The following TDP1 variants were observed in gnomAD, a reference collection of about 807,000 sequenced individuals.
TDP1 encodes the protein tyr-DNA phosphodiesterase 1.
A neutral mutation model predicts 81.5 loss-of-function variants in TDP1; 64 were observed. That is an observed-to-expected ratio of 0.79 (90% CI 0.64 to 0.97). The LOEUF (loss-of-function observed/expected upper bound fraction) is 0.97. Among genes scored for constraint, TDP1 ranks in the 50% least tolerant of loss-of-function variants. The pLI, the probability that TDP1 is intolerant of heterozygous loss-of-function variation, is 0.00. For missense variants in TDP1, 723 were observed against 743.8 expected, an observed-to-expected ratio of 0.97 and a Z score of 0.33; for synonymous variants, 256 against 264.3, an observed-to-expected ratio of 0.97 and a Z score of 0.30.
chr14:89,971,398 C>A, intron 6 of TDP1, 127 bp downstream of exon 6: 1 of 736,100 alleles, frequency 1.4e-6, no homozygotes, highest in Non-Finnish European at 2.4e-6. Context: ...AGATATTTGT[C>A]TAGCCTCAGC....
intron 6 of TDP1, among the ~76,000 whole-genome samples, chr14:89,974,845 T>C (rs538945413): frequency 6.6e-6 from 1 of 152,356 alleles, no homozygotes; most frequent in South Asian, 2.1e-4. Context: ...ATTTAAACTC[T>C]TTCATAATCT....
At chr14:90,038,109 T>C (rs1888002499) in intron 16 of TDP1, among the ~76,000 whole-genome samples, 1 of 152,226 alleles carries the variant, frequency 6.6e-6, no homozygotes, top group Non-Finnish European at 1.5e-5. Context: ...TGATTACTGA[T>C]GATGTTAACT....
chr14:89,976,787 T>C (rs1894393119), intron 7 of TDP1, among the ~76,000 whole-genome samples: 1 of 149,696 alleles, frequency 6.7e-6, no homozygotes, highest in Non-Finnish European at 1.5e-5. Flanking sequence ...TCCACCCTCC[T>C]CTGCCTCCCC....
intron 7 of TDP1, among the ~76,000 whole-genome samples, chr14:89,977,693 G>A (rs1894517483): frequency 6.6e-6 from 1 of 152,212 alleles, no homozygotes; most frequent in Non-Finnish European, 1.5e-5. Context: ...TTTCTTTGGT[G>A]AGAGAAGCAA....
intron 9 of TDP1, chr14:89,984,898 T>C: frequency 3.2e-5 from 32 of 985,404 alleles, no homozygotes; most frequent in Non-Finnish European, 3.7e-5. Context: ...TACCTTAGCC[T>C]CCCACTGGGT....
chr14:90,026,047 G>A (rs1202450808), intron 15 of TDP1, among the ~76,000 whole-genome samples: 1 of 152,222 alleles, frequency 6.6e-6, no homozygotes, highest in Admixed American at 6.5e-5. Flanking sequence ...CTGAGCCCCA[G>A]GGTCACTTGG....
At chr14:89,977,205 A>G (rs930495639) in intron 7 of TDP1, among the ~76,000 whole-genome samples, 1 of 152,210 alleles carries the variant, frequency 6.6e-6, no homozygotes, top group East Asian at 1.9e-4. Context: ...ACTTTTCCCA[A>G]TTAAGTATCT....
intron 6 of TDP1, among the ~76,000 whole-genome samples, chr14:89,972,620 T>G (rs956453791): frequency 2.9e-5 from 4 of 139,534 alleles, no homozygotes; most frequent in South Asian, 4.2e-4. Context: ...TAAAAAGATC[T>G]TCTATTACAC....
At chr14:89,981,952 T>G (rs1225066233) in intron 8 of TDP1, among the ~76,000 whole-genome samples, 3 of 152,160 alleles carry the variant, frequency 2.0e-5, no homozygotes. Context: ...TGAACCACCG[T>G]GCCTGGCCCC....
At chr14:89,976,554 T>TTTTTG (rs1566862561) in intron 7 of TDP1, among the ~76,000 whole-genome samples, 9 of 141,746 alleles carry the variant, frequency 6.3e-5, no homozygotes, top group African/African-American at 2.2e-4. Context: ...TTTTTTTTTT[T>TTTTTG]TAGACAGAGT....
At position 89,987,297 on chromosome 14, in the gene TDP1, G is replaced by A. The variant is rs34629880; in HGVS notation, c.1132-1608G>A. 3.8e-3 allele frequency among the ~76,000 whole-genome samples: 584 copies of A among 152,314 alleles called. 2 individuals carry two copies. Among genetic ancestry groups the A allele is most frequent in the African/African-American group, 0.014 (564 of 41,560 alleles). ...ATACACTAAGCAGGGGACACCAGCT[G>A]GGTGTCCTCTAATTCACTTCAGTTC... is the stretch of plus-strand genomic sequence containing the variant. On this transcript the variant is annotated intron_variant, in intron 10 of 16. Coordinates refer to ENST00000335725, the MANE Select transcript of TDP1 (RefSeq NM_018319.4).
chr14:89,967,960 C>CCA (rs1419051296), intron 5 of TDP1, among the ~76,000 whole-genome samples: 2 of 149,858 alleles, frequency 1.3e-5, no homozygotes, highest in African/African-American at 5.1e-5. Flanking sequence ...CACACAGGTG[C>CCA]CACCCTTCCC....
At chr14:90,030,130 C>T (rs1053002584) in intron 15 of TDP1, among the ~76,000 whole-genome samples, 1 of 152,192 alleles carries the variant, frequency 6.6e-6, no homozygotes, top group East Asian at 1.9e-4. Context: ...TCCTCAGATC[C>T]AGAGTGTGTC....
intron 14 of TDP1, among the ~76,000 whole-genome samples, chr14:90,018,499 C>T (rs1234920689): frequency 1.3e-5 from 2 of 152,062 alleles, no homozygotes; most frequent in African/African-American, 2.4e-5. Flanking sequence ...TTTTAATTGT[C>T]ATCCAGACTG....
In TDP1 at chr14:89,955,973, A is replaced by T. The variant is rs914141155; in HGVS notation, c.-231+3A>T. Reference sequence around the variant, plus strand: ...AGCGTTGGTTCTGTGCGCCTCAGGTACGTGTTGGGCGGCAGTGGGCGCGGA... The same window carrying T: ...AGCGTTGGTTCTGTGCGCCTCAGGTTCGTGTTGGGCGGCAGTGGGCGCGGA... On this transcript the variant is annotated splice_donor_region_variant and intron_variant, in intron 1 of 16. Coordinates refer to ENST00000335725, the MANE Select transcript of TDP1 (RefSeq NM_018319.4). 6.6e-6 allele frequency: 1 copy of T among 152,498 alleles called. No individual in the cohort carries two copies. The highest frequency in any genetic ancestry group is 1.5e-5 in the Non-Finnish European group (1 of 68,276). The allele number at this position is 152,498 out of a possible 1,614,324, so 9.4% of individuals were successfully genotyped here.
At chr14:89,987,969 A>T (rs1408924568) in intron 10 of TDP1, among the ~76,000 whole-genome samples, 1 of 152,132 alleles carries the variant, frequency 6.6e-6, no homozygotes, top group African/African-American at 2.4e-5. Context: ...CACCAGTTGC[A>T]AGTCTGGGCC....
intron 8 of TDP1, among the ~76,000 whole-genome samples, chr14:89,981,236 T>C (rs1039630967): frequency 6.6e-6 from 1 of 152,188 alleles, no homozygotes; most frequent in African/African-American, 2.4e-5. Context: ...TTAGAGCCTT[T>C]AGTGTGTTAA....
chr14:89,992,806 T>G (rs1896328853), intron 13 of TDP1, among the ~76,000 whole-genome samples: 1 of 152,216 alleles, frequency 6.6e-6, no homozygotes, highest in Non-Finnish European at 1.5e-5. Context: ...AAGTAAAGAT[T>G]GTTGCTTCAT....
intron 14 of TDP1, among the ~76,000 whole-genome samples, chr14:90,001,484 T>C (rs1026845881): frequency 2.0e-5 from 3 of 152,198 alleles, no homozygotes; most frequent in African/African-American, 7.2e-5. Flanking sequence ...AAAAAATGAG[T>C]TTATAATTAT....
Sources: gnomAD v4.1 joint callset for allele counts (sites outside exome capture counted in the v4.1 genomes callset) on GRCh38, gnomAD v4.1.1 for gene constraint, MANE v1.5 for transcripts, NCBI Gene and HGNC (gene_info 2026-07-23, HGNC 2026-07-21) for gene names.